The following ARMH3 variants were observed in gnomAD, a reference collection of about 807,000 sequenced individuals.
The protein encoded by ARMH3 is armadillo like helical domain containing 3.
In ARMH3, 60 loss-of-function variants were observed where a neutral mutation model predicts 99.1. That is an observed-to-expected ratio of 0.61 (90% CI 0.49 to 0.75). The LOEUF is 0.75. Among genes scored for constraint, ARMH3 ranks in the 30% least tolerant of loss-of-function variants. The pLI, the probability that ARMH3 is intolerant of heterozygous loss-of-function variation, is 0.00. For synonymous variants in ARMH3, 285 were observed against 292.8 expected, an observed-to-expected ratio of 0.97 and a Z score of 0.27; for missense variants, 679 against 843.1, an observed-to-expected ratio of 0.81 and a Z score of 2.41.
chr10:101,974,908 A>G (rs545055399), intron 20 of ARMH3, among the ~76,000 whole-genome samples: 12 of 152,268 alleles, frequency 7.9e-5, no homozygotes, highest in African/African-American at 2.4e-4. Context: ...TTCTTACTCA[A>G]AGGAAGATTT....
intron 4 of ARMH3, among the ~76,000 whole-genome samples, chr10:102,030,111 G>C (rs1257639557): frequency 6.6e-6 from 1 of 151,814 alleles, no homozygotes; most frequent in African/African-American, 2.4e-5. Flanking sequence ...TGTAGAGACA[G>C]GGTCTCACCA....
intron 24 of ARMH3, among the ~76,000 whole-genome samples, chr10:101,859,812 G>A (rs2066821064): frequency 6.6e-6 from 1 of 152,184 alleles, no homozygotes; most frequent in South Asian, 2.1e-4. Flanking sequence ...AAAACAATTA[G>A]ATTCATGAGC....
chr10:101,986,574 A>AT (rs947209472), intron 19 of ARMH3, among the ~76,000 whole-genome samples: 3 of 152,074 alleles, frequency 2.0e-5, no homozygotes, highest in Non-Finnish European at 4.4e-5. Context: ...TCCAAACTCC[A>AT]TATTTCTTCA....
intron 23 of ARMH3, among the ~76,000 whole-genome samples, chr10:101,923,100 T>C (rs560717175): frequency 6.6e-6 from 1 of 152,248 alleles, no homozygotes; most frequent in East Asian, 1.9e-4. Flanking sequence ...TGCTAGAGCA[T>C]GCACAATATC....
chr10:102,000,828 T>C (rs1273515822), intron 15 of ARMH3, among the ~76,000 whole-genome samples: 2 of 151,872 alleles, frequency 1.3e-5, no homozygotes, highest in Non-Finnish European at 2.9e-5. Context: ...TTTGTTGTTT[T>C]TTTTTTGAGA....
intron 23 of ARMH3, among the ~76,000 whole-genome samples, chr10:101,925,795 G>A (rs991189524): frequency 5.3e-5 from 8 of 151,980 alleles, no homozygotes; most frequent in South Asian, 2.1e-4. Context: ...CTGTAATCCC[G>A]GCTACCCAGG....
At chr10:101,885,618 G>A (rs999325668) in intron 24 of ARMH3, among the ~76,000 whole-genome samples, 16 of 152,220 alleles carry the variant, frequency 1.1e-4, no homozygotes, top group East Asian at 1.9e-4. Flanking sequence ...CAGGGGCTCA[G>A]GGTAGGGGAA....
chr10:101,995,592 C>A (rs1447120886), intron 15 of ARMH3, among the ~76,000 whole-genome samples: 2 of 152,258 alleles, frequency 1.3e-5, no homozygotes, highest in Non-Finnish European at 2.9e-5. Context: ...GGCTAACCAC[C>A]TTCCTGAAAG....
chr10:101,930,079 AC>A (rs901012424), intron 23 of ARMH3, among the ~76,000 whole-genome samples: 2 of 152,148 alleles, frequency 1.3e-5, no homozygotes, highest in Non-Finnish European at 2.9e-5. Flanking sequence ...CTCATCCTGT[AC>A]TAGCAAACTG....
At chr10:102,048,836 T>TA (rs1005568946) in intron 1 of ARMH3, among the ~76,000 whole-genome samples, 8 of 152,278 alleles carry the variant, frequency 5.3e-5, no homozygotes, top group African/African-American at 1.9e-4. Flanking sequence ...CAGGGTTTTT[T>TA]AAAAAACCTT....
Position 101,939,935 on chromosome 10 carries a change from A to C in ARMH3, c.1709T>G (p.Leu570Arg). ...CTGGCCTGCATTGGTAGAAAGCCTCAGGACTGCAAAGAAGGAAAGAACACA... is the reference window on the plus strand; with the variant it reads ...CTGGCCTGCATTGGTAGAAAGCCTCCGGACTGCAAAGAAGGAAAGAACACA... ...QSFDNLYSMVLRLSTNAGQWK... is the reference protein window; with the variant it reads ...QSFDNLYSMVRRLSTNAGQWK... Residue 570 changes from leucine (L) to arginine (R), a missense_variant, in exon 23 of 26, where the codon CTG becomes CGG. By Grantham distance (102) the Leu-to-Arg change is moderately radical. Transcript: ENST00000370033. 1 of 1,613,500 alleles carries C rather than the reference A, an allele frequency of 6.2e-7. No individual in the cohort carries two copies. Among genetic ancestry groups the C allele is most frequent in the Non-Finnish European group, 8.5e-7 (1 of 1,179,858 alleles).
At chr10:102,023,982 A>G (rs2066944747) in intron 6 of ARMH3, among the ~76,000 whole-genome samples, 1 of 152,200 alleles carries the variant, frequency 6.6e-6, no homozygotes, top group Non-Finnish European at 1.5e-5. Flanking sequence ...TGTTTCTCTC[A>G]TATCCTCACA....
At chr10:101,927,759 C>T (rs1022609200) in intron 23 of ARMH3, among the ~76,000 whole-genome samples, 3 of 152,076 alleles carry the variant, frequency 2.0e-5, no homozygotes, top group Admixed American at 2.0e-4. Flanking sequence ...ATAGTGAGAT[C>T]CTGTCACTAC....
At chr10:102,051,157 C>CAAAAA (rs774209681) in intron 1 of ARMH3, among the ~76,000 whole-genome samples, 2 of 57,040 alleles carry the variant, frequency 3.5e-5, no homozygotes, top group East Asian at 4.7e-4. Flanking sequence ...GACTCTGTCT[C>CAAAAA]AAAAAAAAAA....
chr10:101,937,530 A>G (rs1332803340), intron 23 of ARMH3, among the ~76,000 whole-genome samples: 1 of 151,966 alleles, frequency 6.6e-6, no homozygotes, highest in Non-Finnish European at 1.5e-5. Context: ...AAAAAAAAAA[A>G]AAAAAGAAGA....
chr10:101,960,744 G>C (rs1042669914), intron 20 of ARMH3, among the ~76,000 whole-genome samples: 4 of 151,938 alleles, frequency 2.6e-5, no homozygotes, highest in African/African-American at 9.7e-5. Context: ...ACAAAAATTA[G>C]CCAGGCACGG....
At chr10:101,853,116 C>T (rs2066645281) in intron 24 of ARMH3, among the ~76,000 whole-genome samples, 1 of 150,714 alleles carries the variant, frequency 6.6e-6, no homozygotes, top group South Asian at 2.1e-4. Context: ...GTCTCGAACT[C>T]CTGATCTCAG....
intron 15 of ARMH3, among the ~76,000 whole-genome samples, chr10:101,998,664 T>C (rs186140643): frequency 2.2e-4 from 33 of 152,344 alleles, no homozygotes; most frequent in Admixed American, 1.6e-3. Context: ...TGTCTACCAA[T>C]GTTTCTTTCT....
Position 101,975,229 on chromosome 10 carries a change from C to G in ARMH3, c.1478G>C (p.Trp493Ser). Residue 493 changes from tryptophan (W) to serine (S), a missense_variant, in exon 20 of 26, where the codon TGG becomes TCG. Coordinates refer to ENST00000370033, the MANE Select transcript of ARMH3 (RefSeq NM_024541.3). ...KKCRVRLHYT[W>S]RELWSALINL... ...AAAGTTACCTGACCAGAGCTCCCGC[C>G]AGGTGTAATGCAGGCGTACCCGACA... 1 of 1,612,118 alleles carries G rather than the reference C, an allele frequency of 6.2e-7. No individual in the cohort carries two copies. Among genetic ancestry groups the G allele is most frequent in the Non-Finnish European group, 8.5e-7 (1 of 1,178,796 alleles).
Sources: allele counts gnomAD v4.1 joint callset (sites outside exome capture counted in the v4.1 genomes callset), GRCh38; gene constraint gnomAD v4.1.1; transcripts MANE v1.5; gene names NCBI Gene and HGNC (gene_info 2026-07-23, HGNC 2026-07-21).